The following NICOL1 variants were observed in gnomAD, a reference collection of about 807,000 sequenced individuals.
NICOL1 encodes the protein NELL2-interacting cell ontogeny regulator 1.
the NICOL1 span, chr4:2,041,867 C>T: frequency 9.6e-7 from 1 of 1,040,512 alleles, no homozygotes. Flanking sequence ...GGGCAGCCCC[C>T]GGCCAGGGCC....
the NICOL1 span, among the ~76,000 whole-genome samples, chr4:2,037,541 T>C: frequency 6.6e-6 from 1 of 152,232 alleles, no homozygotes; most frequent in African/African-American, 2.4e-5. Flanking sequence ...GAAAGGGATC[T>C]TCTAGAAGTG....
the NICOL1 span, among the ~76,000 whole-genome samples, chr4:2,041,212 G>T: frequency 1.3e-5 from 2 of 150,742 alleles, no homozygotes; most frequent in Non-Finnish European, 3.0e-5. Context: ...GGAGGCCACC[G>T]CCTGTGTCGG....
the NICOL1 span, chr4:2,042,391 C>G: frequency 2.0e-6 from 1 of 504,370 alleles, no homozygotes; most frequent in Non-Finnish European, 3.5e-6. Flanking sequence ...GATGTCACCG[C>G]CGCCGCCGCC....
chr4:2,043,712 G>A, the NICOL1 span: 1 of 614,662 alleles, frequency 1.6e-6, no homozygotes, highest in South Asian at 2.2e-5. Context: ...GAGATGAGTG[G>A]GAGGCTCTGG....
chr4:2,042,470 C>A, the NICOL1 span: 1 of 422,230 alleles, frequency 2.4e-6, no homozygotes. Flanking sequence ...GCCGGGAGTG[C>A]CGTCCCCGCG....
chr4:2,038,738 G>A, the NICOL1 span, among the ~76,000 whole-genome samples: 2 of 152,096 alleles, frequency 1.3e-5, no homozygotes, highest in South Asian at 2.1e-4. Flanking sequence ...GAAAAAGCAC[G>A]TTAAAATATT....
chr4:2,037,920 T>C, the NICOL1 span, among the ~76,000 whole-genome samples: 1 of 151,538 alleles, frequency 6.6e-6, no homozygotes, highest in African/African-American at 2.4e-5. Flanking sequence ...GTTTTCAGCA[T>C]TTTTACATTT....
chr4:2,042,859 T>TC, the NICOL1 span: 1 of 1,408,396 alleles, frequency 7.1e-7, no homozygotes, highest in Admixed American at 2.4e-5. Flanking sequence ...CTCCCGGGCT[T>TC]CCCAGGGGGT....
At chr4:2,042,193 G>C in the NICOL1 span, 1 of 1,437,282 alleles carries the variant, frequency 7.0e-7, no homozygotes, top group South Asian at 1.4e-5. Flanking sequence ...GGGGGCTCCC[G>C]GGCCCGGGGT....
chr4:2,043,297 A>C, the NICOL1 span, among the ~76,000 whole-genome samples: 4 of 152,246 alleles, frequency 2.6e-5, no homozygotes, highest in African/African-American at 9.6e-5. Flanking sequence ...GGCCCCTCCA[A>C]GCCTGGATGA....
the NICOL1 span, chr4:2,042,694 C>A: frequency 1.7e-6 from 2 of 1,160,264 alleles, no homozygotes; most frequent in East Asian, 2.9e-5. Flanking sequence ...TTGCGGGTGA[C>A]CCCCCCTGCG....
chr4:2,042,808 G>A, the NICOL1 span: 19 of 1,504,420 alleles, frequency 1.3e-5, no homozygotes, highest in East Asian at 2.7e-5. Context: ...AAGACAGCCT[G>A]CAGCCTGGAC....
At chr4:2,040,339 C>G in the NICOL1 span, among the ~76,000 whole-genome samples, 1 of 152,324 alleles carries the variant, frequency 6.6e-6, no homozygotes, top group Non-Finnish European at 1.5e-5. Flanking sequence ...ACTCCTGACC[C>G]CAGGTGATCC....
chr4:2,041,938 G>C, the NICOL1 span: 11 of 1,444,448 alleles, frequency 7.6e-6, no homozygotes, highest in Non-Finnish European at 1.0e-5. Context: ...GCGCAGTCTC[G>C]GGTTTCCATG....
chr4:2,042,676 T>TG, the NICOL1 span: 1 of 1,002,868 alleles, frequency 1.0e-6, no homozygotes, highest in Non-Finnish European at 1.4e-6. Flanking sequence ...CCAGAGTGCG[T>TG]GGGGGCCTTG....
chr4:2,039,662 T>C, the NICOL1 span, among the ~76,000 whole-genome samples: 2 of 151,480 alleles, frequency 1.3e-5, no homozygotes, highest in Non-Finnish European at 2.9e-5. Flanking sequence ...TGGCAAACCC[T>C]GTCTCTACCA....
At chr4:2,036,745 C>A in the NICOL1 span, among the ~76,000 whole-genome samples, 1 of 151,980 alleles carries the variant, frequency 6.6e-6, no homozygotes, top group African/African-American at 2.4e-5. Context: ...TATATGGAGT[C>A]GTGGGTGGGG....
the NICOL1 span, among the ~76,000 whole-genome samples, chr4:2,041,150 TGGGGGGGGAGC>T: frequency 1.5e-5 from 1 of 65,638 alleles, no homozygotes; most frequent in Middle Eastern, 6.8e-3. Flanking sequence ...CTGGGTGGGG[TGGGGGGGGAGC>T]GGGGGCGCCA....
the NICOL1 span, among the ~76,000 whole-genome samples, chr4:2,038,237 G>GTATGTA: frequency 1.1e-5 from 1 of 91,454 alleles, no homozygotes; most frequent in African/African-American, 3.6e-5. Context: ...TGATCAGTGT[G>GTATGTA]TATATATATA....
Sources: allele counts gnomAD v4.1 joint callset (sites outside exome capture counted in the v4.1 genomes callset), GRCh38; gene constraint gnomAD v4.1.1; transcripts MANE v1.5; gene names NCBI Gene and HGNC (gene_info 2026-07-23, HGNC 2026-07-21).